Variants in CTNND2 observed in about 807,000 individuals in gnomAD.
CTNND2 encodes catenin delta-2.
A neutral mutation model predicts 144.4 loss-of-function variants in CTNND2; 22 were observed. The ratio of observed to expected loss-of-function variants is 0.15; its 90% CI spans 0.11 to 0.22. The LOEUF (loss-of-function observed/expected upper bound fraction) is 0.22, where lower values mean the gene tolerates loss of function less well. Ranked by LOEUF, CTNND2 falls within the 10% of genes least tolerant of loss-of-function variation. The pLI is 1.00. For missense variants in CTNND2, 1,353 were observed against 1,618.8 expected (o/e 0.84, Z 2.82); for synonymous variants, 751 against 695.6 (o/e 1.08, Z -1.25).
chr5:11,546,016 T>A (rs1262101737), intron 3 of CTNND2, among the ~76,000 whole-genome samples: 6 of 152,178 alleles, frequency 3.9e-5, no homozygotes, highest in Admixed American at 3.9e-4. Context: ...TGGTACAACA[T>A]CAATGAACCT....
intron 16 of CTNND2, among the ~76,000 whole-genome samples, chr5:11,058,171 T>C (rs1746535328): frequency 6.6e-6 from 1 of 152,222 alleles, no homozygotes; most frequent in South Asian, 2.1e-4. Flanking sequence ...GCATACGTAA[T>C]GAGGAGCTGA....
intron 9 of CTNND2, among the ~76,000 whole-genome samples, chr5:11,302,589 G>A: frequency 6.6e-6 from 1 of 152,150 alleles, no homozygotes; most frequent in East Asian, 1.9e-4. Flanking sequence ...TTTAGAGAAA[G>A]GCAGTGAAGA....
chr5:11,364,976 G>T, intron 7 of CTNND2, 86 bp from the exon 8 acceptor site: 1 of 1,170,566 alleles, frequency 8.5e-7, no homozygotes, highest in Non-Finnish European at 1.2e-6. Flanking sequence ...AAATTTTTTT[G>T]GACAAAATTG....
chr5:11,881,363 A>T (rs1736097833), intron 1 of CTNND2, among the ~76,000 whole-genome samples: 1 of 152,048 alleles, frequency 6.6e-6, no homozygotes, highest in Admixed American at 6.6e-5. Context: ...GTGTTACAGA[A>T]CACTAGAACT....
At chr5:11,425,285 G>T (rs1265986187) in intron 3 of CTNND2, among the ~76,000 whole-genome samples, 3 of 152,224 alleles carry the variant, frequency 2.0e-5, no homozygotes, top group African/African-American at 7.2e-5. Context: ...TTGCAGGGTA[G>T]CTACTGCAGT....
chr5:11,117,512 G>A lies in CTNND2; in HGVS notation c.2215C>T (p.Leu739Phe). The A allele has an allele frequency of 6.2e-7, 1 of 1,614,128 alleles. No individual in the cohort carries two copies. Among genetic ancestry groups the A allele is most frequent in the Non-Finnish European group, 8.5e-7 (1 of 1,180,020 alleles). ...ARRRMRECDG[L>F]TDALLYVIQS... ...ATCACGTACAGCAAGGCATCCGTAA[G>A]CCCATCACACTCTCTCATCCTTCTG... Residue 739 changes from leucine (L) to phenylalanine (F), a missense_variant, in exon 13 of 22, where the codon CTT becomes TTT. Transcript: ENST00000304623.
chr5:11,084,979 C>A (rs146794717), intron 15 of CTNND2, among the ~76,000 whole-genome samples: 137 of 151,556 alleles, frequency 9.0e-4, no homozygotes, highest in African/African-American at 2.9e-3. Context: ...ATGACCTAGC[C>A]TTTCCCTCCA....
intron 2 of CTNND2, among the ~76,000 whole-genome samples, chr5:11,682,467 C>A (rs1561689357): frequency 6.6e-6 from 1 of 152,106 alleles, no homozygotes; most frequent in Non-Finnish European, 1.5e-5. Flanking sequence ...CTTTGGTCAG[C>A]GAATGTGTTC....
intron 9 of CTNND2, among the ~76,000 whole-genome samples, chr5:11,290,822 ATAAAGTAACCTTCGTTGTTTATT>A (rs1421238198): frequency 1.3e-5 from 2 of 152,200 alleles, no homozygotes; most frequent in African/African-American, 4.8e-5. Context: ...TGGTTTTAAC[ATAAAGTAACCTTCGTTGTTTATT>A]TAACTTCATA....
chr5:11,799,454 C>T lies in CTNND2; in HGVS notation c.38-67182G>A, dbSNP rs373806348. ...TTCAATGTCTCTTTCTTCTTCCTCCCGTTGAGATGTGTATAGTTTTCAAAC... is the reference window on the plus strand; with the variant it reads ...TTCAATGTCTCTTTCTTCTTCCTCCTGTTGAGATGTGTATAGTTTTCAAAC... On this transcript the variant is annotated intron_variant, in intron 1 of 21. Coordinates refer to ENST00000304623, the MANE Select transcript of CTNND2 (RefSeq NM_001332.4). Among the ~76,000 whole-genome samples the T allele has an allele frequency of 3.9e-5, 6 of 152,218 alleles. No individual in the cohort carries two copies. The South Asian group carries it at 6.2e-4, about 16-fold the overall frequency.
rs139848506 is a variant in CTNND2, at chr5:11,255,993, C to T, written c.1629-19170G>A. 3.5e-3 allele frequency among the ~76,000 whole-genome samples: 534 copies of T among 152,308 alleles called. 2 individuals are homozygous for T. Among genetic ancestry groups the T allele is most frequent in the Non-Finnish European group, 5.8e-3 (392 of 68,018 alleles). The stretch of plus-strand genomic sequence containing the variant: ...AGCAACCCTCCATTGCACTCCATCA[C>T]GGGACTTTGTTCCAGAACAGCCCTG... On this transcript the variant is annotated intron_variant, in intron 9 of 21. Transcript: ENST00000304623.
At chr5:11,754,514 C>A (rs1788807783) in intron 1 of CTNND2, among the ~76,000 whole-genome samples, 1 of 151,198 alleles carries the variant, frequency 6.6e-6, no homozygotes, top group Non-Finnish European at 1.5e-5. Context: ...CAAATAACTT[C>A]ATTATTTTCT....
intron 9 of CTNND2, among the ~76,000 whole-genome samples, chr5:11,319,800 C>G (rs1371700517): frequency 1.3e-5 from 2 of 152,296 alleles, no homozygotes; most frequent in Admixed American, 1.3e-4. Flanking sequence ...GGATTACAGG[C>G]GTGAGCCACT....
At chr5:11,009,067 T>C (rs1190959689) in intron 18 of CTNND2, among the ~76,000 whole-genome samples, 1 of 152,210 alleles carries the variant, frequency 6.6e-6, no homozygotes, top group Non-Finnish European at 1.5e-5. Flanking sequence ...ACTTCCAAAA[T>C]GACAAAAGCT....
At chr5:11,359,131 T>C (rs1756190700) in intron 8 of CTNND2, among the ~76,000 whole-genome samples, 1 of 152,230 alleles carries the variant, frequency 6.6e-6, no homozygotes, top group Non-Finnish European at 1.5e-5. Flanking sequence ...CTTAATAGAC[T>C]TTACCACAAG....
At chr5:11,656,489 T>TAA (rs1782922047) in intron 2 of CTNND2, among the ~76,000 whole-genome samples, 1 of 151,580 alleles carries the variant, frequency 6.6e-6, no homozygotes, top group Non-Finnish European at 1.5e-5. Flanking sequence ...GTGTATTAGG[T>TAA]AAAGGTTCTT....
At chr5:11,697,656 G>C (rs887281182) in intron 2 of CTNND2, among the ~76,000 whole-genome samples, 2 of 152,096 alleles carry the variant, frequency 1.3e-5, no homozygotes, top group African/African-American at 4.8e-5. Flanking sequence ...AAAGATTAAG[G>C]TATCTCTTGA....
At chr5:11,330,432 C>T (rs1478692662) in intron 9 of CTNND2, among the ~76,000 whole-genome samples, 1 of 124,388 alleles carries the variant, frequency 8.0e-6, no homozygotes, top group African/African-American at 3.1e-5. Flanking sequence ...TGCAGTGAGC[C>T]GAGATCACGC....
intron 12 of CTNND2, among the ~76,000 whole-genome samples, chr5:11,117,977 T>A (rs1277553038): frequency 6.6e-6 from 1 of 152,226 alleles, no homozygotes; most frequent in East Asian, 1.9e-4. Context: ...GACATCTAAA[T>A]TTGTCTGCCA....
Sources: allele counts gnomAD v4.1 joint callset (sites outside exome capture counted in the v4.1 genomes callset), GRCh38; gene constraint gnomAD v4.1.1; transcripts MANE v1.5; gene names NCBI Gene and HGNC (gene_info 2026-07-23, HGNC 2026-07-21).